PKP1: variants seen among roughly 807,000 people sequenced by gnomAD.
PKP1 encodes plakophilin-1.
A neutral mutation model predicts 76.4 loss-of-function variants in PKP1; 27 were observed. The ratio of observed to expected loss-of-function variants is 0.35; its 90% confidence interval spans 0.26 to 0.49. The LOEUF (loss-of-function observed/expected upper bound fraction) is 0.49, where lower values mean the gene tolerates loss of function less well. Ranked by LOEUF, PKP1 falls within the 20% of genes least tolerant of loss-of-function variation. The pLI is 0.99. For missense variants in PKP1, 964 were observed against 955.2 expected (o/e 1.01, Z -0.12); for synonymous variants, 404 against 384.2 (o/e 1.05, Z -0.60).
intron 2 of PKP1, among the ~76,000 whole-genome samples, chr1:201,311,253 T>A (rs1656543050): frequency 6.6e-6 from 1 of 152,224 alleles, no homozygotes; most frequent in Admixed American, 6.5e-5. Context: ...TTGCCTGTAA[T>A]CTGCAGGACA....
chr1:201,316,669 G>A lies in PKP1; in HGVS notation c.818G>A (p.Cys273Tyr), dbSNP rs970789193. 1.9e-6 allele frequency: 3 copies of A among 1,613,960 alleles called. No homozygotes were observed. Among genetic ancestry groups the A allele is most frequent in the Non-Finnish European group, 2.5e-6 (3 of 1,180,020 alleles). The change falls in exon 4 of 14, where the codon TGC becomes TAC. Residue 273 changes from cysteine to tyrosine, a missense_variant. Coordinates refer to ENST00000367324, the MANE Select transcript of PKP1 (RefSeq NM_001005337.3). ...AIGAYYIQHT[C>Y]FQDESAKQQV... Reference sequence around the variant, plus strand: ...GGGGCCTATTACATCCAGCATACCTGCTTCCAGGATGAATCTGCCAAGCAA... The same window carrying A: ...GGGGCCTATTACATCCAGCATACCTACTTCCAGGATGAATCTGCCAAGCAA...
chr1:201,308,456 G>C (rs1656431997), intron 2 of PKP1, among the ~76,000 whole-genome samples: 1 of 152,204 alleles, frequency 6.6e-6, no homozygotes, highest in Non-Finnish European at 1.5e-5. Flanking sequence ...TTAGCAACTA[G>C]AAAACAAACA....
chr1:201,322,922 C>A, intron 8 of PKP1, 91 bp from the exon 9 acceptor site: 1 of 1,399,334 alleles, frequency 7.1e-7, no homozygotes, highest in Non-Finnish European at 9.9e-7. Context: ...GAACCACGAC[C>A]CTGAGGCTGG....
Position 201,331,667 on chromosome 1 carries a change from T to C in PKP1, c.*1626T>C, listed in dbSNP as rs893597527. On this transcript the variant is annotated 3_prime_UTR_variant, in exon 14 of 14. Coordinates refer to ENST00000367324, the MANE Select transcript of PKP1 (RefSeq NM_001005337.3). Reference sequence around the variant, plus strand: ...CCACCCCCGAGTCCAAACCCACCTCTTGCCCCAGCATTCAGGCTGGAAAAC... The same window carrying C: ...CCACCCCCGAGTCCAAACCCACCTCCTGCCCCAGCATTCAGGCTGGAAAAC... 1 of 152,398 alleles carries C rather than the reference T, an allele frequency of 6.6e-6. No individual in the cohort carries two copies. The highest frequency in any genetic ancestry group is 1.5e-5 in the Non-Finnish European group (1 of 68,138). The allele number at this position is 152,398 out of a possible 1,614,324, so 9.4% of individuals were successfully genotyped here.
At chr1:201,324,894 C>A in intron 10 of PKP1, 47 bp from the exon 11 acceptor site, 1 of 1,568,452 alleles carries the variant, frequency 6.4e-7, no homozygotes, top group African/African-American at 1.3e-5. Context: ...TCAGCCCTTC[C>A]TTCCCCAGTC....
chr1:201,310,532 A>T (rs1656516322), intron 2 of PKP1, among the ~76,000 whole-genome samples: 1 of 152,220 alleles, frequency 6.6e-6, no homozygotes, highest in African/African-American at 2.4e-5. Flanking sequence ...GGCTTCATCC[A>T]GGTCCCAGGC....
chr1:201,302,401 T>G (rs1330393481), intron 2 of PKP1, among the ~76,000 whole-genome samples: 1 of 152,190 alleles, frequency 6.6e-6, no homozygotes, highest in African/African-American at 2.4e-5. Context: ...AAGCCTCTCC[T>G]GCTGGCCAAG....
intron 9 of PKP1, 100 bp from the exon 10 acceptor site, chr1:201,324,328 G>C (rs139751596): frequency 9.6e-6 from 12 of 1,246,520 alleles, no homozygotes; most frequent in East Asian, 4.7e-5. Flanking sequence ...AAAGAGAAAG[G>C]GTTCTGGGAT....
chr1:201,327,849 C>A (rs1657195039), intron 12 of PKP1, among the ~76,000 whole-genome samples: 1 of 152,124 alleles, frequency 6.6e-6, no homozygotes, highest in Non-Finnish European at 1.5e-5. Flanking sequence ...GGCTTGTGTC[C>A]ATTTTGCTGA....
At chr1:201,287,900 C>CGA (rs1655784105) in intron 1 of PKP1, among the ~76,000 whole-genome samples, 1 of 152,222 alleles carries the variant, frequency 6.6e-6, no homozygotes. Flanking sequence ...TAGATATCTT[C>CGA]ATGTGAAGTT....
chr1:201,299,763 CA>C (rs1167963373), intron 2 of PKP1, among the ~76,000 whole-genome samples: 1 of 152,256 alleles, frequency 6.6e-6, no homozygotes, highest in Non-Finnish European at 1.5e-5. Flanking sequence ...ACTTTAGCTT[CA>C]CAGACAGGGA....
chr1:201,292,494 T>C (rs1558183089), intron 1 of PKP1, among the ~76,000 whole-genome samples: 1 of 152,190 alleles, frequency 6.6e-6, no homozygotes, highest in Non-Finnish European at 1.5e-5. Context: ...TGCTGTGGGC[T>C]ATGGGTGGTG....
intron 11 of PKP1, 70 bp downstream of exon 11, chr1:201,325,197 C>T (rs1300258061): frequency 2.7e-5 from 39 of 1,465,796 alleles, no homozygotes; most frequent in Non-Finnish European, 3.4e-5. Context: ...CAGCAGGAAG[C>T]AGTCCCGCAG....
intron 2 of PKP1, among the ~76,000 whole-genome samples, chr1:201,308,682 C>G (rs1367056861): frequency 6.6e-6 from 1 of 150,940 alleles, no homozygotes; most frequent in Non-Finnish European, 1.5e-5. Context: ...GGTCATGGGG[C>G]AGCTTAGAGG....
At chr1:201,296,316 G>A (rs1049758084) in intron 2 of PKP1, among the ~76,000 whole-genome samples, 15 of 152,314 alleles carry the variant, frequency 9.8e-5, no homozygotes, top group Admixed American at 5.9e-4. Flanking sequence ...GAGAGCAGGC[G>A]AAAAGGCAAT....
chr1:201,321,909 G>T, intron 7 of PKP1, 69 bp from the exon 8 acceptor site: 3 of 1,574,366 alleles, frequency 1.9e-6, no homozygotes, highest in Admixed American at 1.7e-5. Flanking sequence ...ATTAGCTAGG[G>T]TAGGTGGTAG....
Position 201,320,328 on chromosome 1 carries a change from T to A in PKP1, c.1294T>A (p.Ser432Thr). ...TMRNYSGLID[S>T]LMAYVQNCVA... Reference sequence around the variant, plus strand: ...GCGTAACTACTCAGGGCTCATTGATTCCCTCATGGCCTATGTCCAGAACTG... The same window carrying A: ...GCGTAACTACTCAGGGCTCATTGATACCCTCATGGCCTATGTCCAGAACTG... The change falls in exon 7 of 14, where the codon TCC becomes ACC. Residue 432 changes from serine (S) to threonine (T), a missense_variant. Physicochemically the swap from Ser to Thr is moderately conservative, Grantham distance 58. Transcript: ENST00000367324. 1.2e-6 allele frequency: 2 copies of A among 1,614,138 alleles called. No individual in the cohort carries two copies. Among genetic ancestry groups the A allele is most frequent in the Non-Finnish European group, 1.7e-6 (2 of 1,179,988 alleles).
At chr1:201,295,653 G>A (rs1656049989) in intron 2 of PKP1, among the ~76,000 whole-genome samples, 1 of 152,220 alleles carries the variant, frequency 6.6e-6, no homozygotes, top group Admixed American at 6.5e-5. Context: ...AGGAGGCTTA[G>A]GTTCTAGTCC....
intron 3 of PKP1, chr1:201,316,149 C>CGGATGGATGGATGGAT (rs1186840087): frequency 8.1e-6 from 1 of 124,068 alleles, no homozygotes; most frequent in Non-Finnish European, 1.6e-5. Flanking sequence ...GATGGACGGA[C>CGGATGGATGGATGGAT]GGATGGATGG....
Sources: allele counts gnomAD v4.1 joint callset (sites outside exome capture counted in the v4.1 genomes callset), GRCh38; gene constraint gnomAD v4.1.1; transcripts MANE v1.5; gene names NCBI Gene and HGNC (gene_info 2026-07-23, HGNC 2026-07-21).